The following CACNA2D2 variants were observed in gnomAD, a reference collection of about 807,000 sequenced individuals.
CACNA2D2 encodes the protein voltage-dependent calcium channel subunit alpha-2/delta-2.
CACNA2D2 carries 48 observed loss-of-function variants against 166.4 expected under a neutral mutation model. The ratio of observed to expected loss-of-function variants is 0.29; its 90% CI spans 0.23 to 0.37. The LOEUF (loss-of-function observed/expected upper bound fraction) is 0.37. CACNA2D2 is among the 10% of genes least tolerant of loss of function. The pLI is 1.00. For missense variants in CACNA2D2, 1,122 were observed against 1,433.0 expected (o/e 0.78, Z 3.50); for synonymous variants, 561 against 573.7 (o/e 0.98, Z 0.32).
At chr3:50,468,380 A>AGTGT (rs3220659) in intron 2 of CACNA2D2, among the ~76,000 whole-genome samples, 7,287 of 82,862 alleles carry the variant, frequency 0.088, 578 homozygotes, top group East Asian at 0.096. Flanking sequence ...TCATCAGAAT[A>AGTGT]GTGTGTGTGT....
chr3:50,407,798 G>T (rs1363624971), intron 3 of CACNA2D2, among the ~76,000 whole-genome samples: 4 of 152,210 alleles, frequency 2.6e-5, no homozygotes, highest in Non-Finnish European at 5.9e-5. Flanking sequence ...TAAGCCAGGT[G>T]GGCTTTGGGA....
intron 2 of CACNA2D2, among the ~76,000 whole-genome samples, chr3:50,452,045 G>A (rs1421319095): frequency 6.6e-6 from 1 of 152,130 alleles, no homozygotes; most frequent in Non-Finnish European, 1.5e-5. Context: ...TCACTGCCAA[G>A]GGTGTTGCCT....
At chr3:50,459,955 C>T (rs1440933637) in intron 2 of CACNA2D2, among the ~76,000 whole-genome samples, 1 of 152,258 alleles carries the variant, frequency 6.6e-6, no homozygotes, top group Non-Finnish European at 1.5e-5. Flanking sequence ...ACAGGCACTG[C>T]TTCCACCCTC....
intron 1 of CACNA2D2, among the ~76,000 whole-genome samples, chr3:50,496,678 C>T (rs1373777557): frequency 1.3e-5 from 2 of 152,270 alleles, no homozygotes; most frequent in Non-Finnish European, 2.9e-5. Flanking sequence ...CCCTCACAGT[C>T]TATCACACCC....
chr3:50,377,859 A>G, intron 15 of CACNA2D2, 56 bp from the exon 16 acceptor site: 1 of 1,530,962 alleles, frequency 6.5e-7, no homozygotes, highest in East Asian at 2.3e-5. Context: ...CCCCACCCTG[A>G]GTGTTCAGAG....
chr3:50,372,982 C>T, intron 22 of CACNA2D2: 2 of 1,150,396 alleles, frequency 1.7e-6, no homozygotes, highest in Non-Finnish European at 2.5e-6. Flanking sequence ...TTTGGCTGGT[C>T]CTGGGCAGGG....
chr3:50,485,755 C>T lies in CACNA2D2; in HGVS notation c.207-9556G>A, dbSNP rs551619538. On this transcript the variant is annotated intron_variant, in intron 1 of 37. Transcript: ENST00000424201. Reference sequence around the variant, plus strand: ...GTAAAACCAGCAACTGCCCTGGTAACTGAGGCTCAGGGGTCGCCAAGGTGC... The same window carrying T: ...GTAAAACCAGCAACTGCCCTGGTAATTGAGGCTCAGGGGTCGCCAAGGTGC... 2.3e-3 allele frequency among the ~76,000 whole-genome samples: 347 copies of T among 152,374 alleles called. 3 individuals are homozygous for T. Among genetic ancestry groups the T allele is most frequent in the African/African-American group, 8.1e-3 (335 of 41,578 alleles).
chr3:50,377,228 T>C (rs1203425943), intron 17 of CACNA2D2, among the ~76,000 whole-genome samples: 1 of 152,196 alleles, frequency 6.6e-6, no homozygotes, highest in Non-Finnish European at 1.5e-5. Flanking sequence ...TGCAACCGAG[T>C]AAGAGATGGG....
chr3:50,439,026 C>T (rs1327323340), intron 2 of CACNA2D2, among the ~76,000 whole-genome samples: 1 of 152,236 alleles, frequency 6.6e-6, no homozygotes, highest in African/African-American at 2.4e-5. Flanking sequence ...ACACTGAAGG[C>T]CAGAGAGGTT....
At chr3:50,457,874 G>C (rs1216578392) in intron 2 of CACNA2D2, among the ~76,000 whole-genome samples, 1 of 152,192 alleles carries the variant, frequency 6.6e-6, no homozygotes, top group African/African-American at 2.4e-5. Flanking sequence ...TGGGGACTGA[G>C]GAGGGCAGCC....
intron 4 of CACNA2D2, among the ~76,000 whole-genome samples, chr3:50,391,962 C>T (rs1705912693): frequency 6.6e-6 from 1 of 152,116 alleles, no homozygotes; most frequent in Admixed American, 6.5e-5. Flanking sequence ...AAAAGGGAGT[C>T]CTGGGCAGAC....
At chr3:50,434,729 C>T (rs145837819) in intron 2 of CACNA2D2, among the ~76,000 whole-genome samples, 5 of 152,302 alleles carry the variant, frequency 3.3e-5, no homozygotes, top group African/African-American at 1.2e-4. Flanking sequence ...ATTTCAGGGT[C>T]ATGAGCAGCC....
intron 2 of CACNA2D2, among the ~76,000 whole-genome samples, chr3:50,461,909 T>C (rs147763502): frequency 2.2e-4 from 33 of 152,248 alleles, no homozygotes; most frequent in African/African-American, 6.3e-4. Context: ...CAGGGACACA[T>C]TGGTGCCGCA....
At chr3:50,407,375 C>A (rs1706770508) in intron 3 of CACNA2D2, among the ~76,000 whole-genome samples, 1 of 152,150 alleles carries the variant, frequency 6.6e-6, no homozygotes, top group African/African-American at 2.4e-5. Context: ...ACTTCCTAGG[C>A]CTGCCACTCG....
In CACNA2D2 at chr3:50,367,213, C is replaced by G. The variant is rs1704357047; in HGVS notation, c.2402-104G>C. The stretch of plus-strand genomic sequence containing the variant: ...CAGTCCAATCCCGGGATGACTCCAG[C>G]CCAAGCACCCAGCACTCAGGACAGT... On this transcript the variant is annotated intron_variant, in intron 27 of 37. Transcript: ENST00000424201. The surrounding 1 kb of genome is among the most constrained non-coding windows in gnomAD (Gnocchi z 6.5). The G allele has an allele frequency of 9.8e-7, 1 of 1,021,834 alleles. No individual in the cohort carries two copies. Among genetic ancestry groups the G allele is most frequent in the East Asian group, 2.6e-5 (1 of 38,658 alleles). The allele number at this position is 1,021,834 out of a possible 1,614,324, so 63.3% of individuals were successfully genotyped here. A position where few individuals can be genotyped will look rare whatever the true frequency, so the allele number is the denominator to read the frequency against.
chr3:50,370,668 T>C (rs1393853921), intron 22 of CACNA2D2, among the ~76,000 whole-genome samples: 1 of 151,994 alleles, frequency 6.6e-6, no homozygotes, highest in Non-Finnish European at 1.5e-5. Context: ...CGTGGCTGTA[T>C]ATGCTTCCAT....
rs140379954 is a variant in CACNA2D2, at chr3:50,502,203, G to A, written c.206+1015C>T. On this transcript the variant is annotated intron_variant, in intron 1 of 37. Coordinates refer to ENST00000424201, the MANE Select transcript of CACNA2D2 (RefSeq NM_006030.4). ...TCCCCTTGGCCACCAGCAGCCCGACGACTCATGCCCCAGTCTCCAGGCCAG... is the reference window on the plus strand; with the variant it reads ...TCCCCTTGGCCACCAGCAGCCCGACAACTCATGCCCCAGTCTCCAGGCCAG... Among the ~76,000 whole-genome samples the A allele has an allele frequency of 1.6e-3, 248 of 152,200 alleles. 3 individuals carry two copies. The highest frequency in any genetic ancestry group is 5.6e-3 in the African/African-American group (233 of 41,520).
chr3:50,384,144 C>T lies in CACNA2D2; in HGVS notation c.652+52G>A, dbSNP rs926859083. 3.2e-5 allele frequency: 51 copies of T among 1,599,290 alleles called. No individual in the cohort carries two copies. The Middle Eastern group carries it at 6.6e-4, about 21-fold the overall frequency. ...GACTCTGGAATGCCCTGGCAGTGGG[C>T]CTGCCCCCACAGCAGGTGGGATGGG... is the stretch of plus-strand genomic sequence containing the variant. On this transcript the variant is annotated intron_variant, in intron 6 of 37. Coordinates refer to ENST00000424201, the MANE Select transcript of CACNA2D2 (RefSeq NM_006030.4).
intron 1 of CACNA2D2, among the ~76,000 whole-genome samples, chr3:50,497,105 G>A (rs1698755911): frequency 6.6e-6 from 1 of 152,190 alleles, no homozygotes. Context: ...AGACACCCAA[G>A]GTATGGCCAA....
Sources: allele counts gnomAD v4.1 joint callset (sites outside exome capture counted in the v4.1 genomes callset), GRCh38; gene constraint gnomAD v4.1.1; non-coding constraint Gnocchi (gnomAD v3.1); transcripts MANE v1.5; gene names NCBI Gene and HGNC (gene_info 2026-07-23, HGNC 2026-07-21).